Variants in ACTR5 observed in about 807,000 individuals in gnomAD.
ACTR5 encodes the protein actin related protein 5.
In ACTR5, 43 loss-of-function variants were observed where a neutral mutation model predicts 61.2. The ratio of observed to expected loss-of-function variants is 0.70; its 90% CI spans 0.55 to 0.91. The LOEUF (loss-of-function observed/expected upper bound fraction) is 0.91. ACTR5 is among the 40% of genes least tolerant of loss of function. The pLI, the probability that ACTR5 is intolerant of heterozygous loss-of-function variation, is 0.00. For missense variants in ACTR5, 798 were observed against 782.2 expected (o/e 1.02, Z -0.24); for synonymous variants, 333 against 310.5 (o/e 1.07, Z -0.76).
At position 38,766,058 on chromosome 20, in the gene ACTR5, TACAC is replaced by T. The variant is rs557542366; in HGVS notation, c.1294-178_1294-175del. On this transcript the variant is annotated intron_variant, in intron 6 of 8. Transcript: ENST00000243903. ...GATGGAAACATGTACATGTTTATAA[TACAC>T]AGGTTGGAAGAAGGTAGGAAATTGA... Among the ~76,000 whole-genome samples the T allele has an allele frequency of 1.3e-3, 205 of 152,282 alleles. 1 individual carries two copies. Among genetic ancestry groups the T allele is most frequent in the Non-Finnish European group, 2.1e-3 (146 of 68,024 alleles).
rs756261891 is a variant in ACTR5 at position 38,767,561 on chromosome 20, C to T, written c.1531C>T (p.Leu511=). The T allele has an allele frequency of 1.2e-6, 2 of 1,613,930 alleles. No individual in the cohort carries two copies. The highest frequency in any genetic ancestry group is 1.7e-6 in the Non-Finnish European group (2 of 1,179,962). The stretch of plus-strand genomic sequence containing the variant: ...CATGAAAGCCAGAATGGAGAAGGAA[C>T]TGTTGGAGATGAGACCCTTCCGGTC... ...PGMKARMEKE[L]LEMRPFRSSF... is the part of the protein sequence containing the mutation. The change falls in exon 8 of 9, where the codon CTG becomes TTG. Residue 511 remains leucine, a synonymous_variant. Coordinates refer to ENST00000243903, the MANE Select transcript of ACTR5 (RefSeq NM_024855.4).
At chr20:38,752,626 A>G (rs183077245) in intron 3 of ACTR5, among the ~76,000 whole-genome samples, 2 of 152,366 alleles carry the variant, frequency 1.3e-5, no homozygotes, top group African/African-American at 4.8e-5. Flanking sequence ...TTGTTTTATT[A>G]TACCCTTATA....
At chr20:38,751,825 A>T (rs1035163037) in intron 2 of ACTR5, among the ~76,000 whole-genome samples, 9 of 152,142 alleles carry the variant, frequency 5.9e-5, no homozygotes, top group African/African-American at 2.2e-4. Flanking sequence ...AATTTCCCCC[A>T]GCTAATTCTG....
Position 38,771,893 on chromosome 20 carries a change from C to T in ACTR5, c.*77C>T, listed in dbSNP as rs1306551242. ...GCAGTGTGACAGGACTGTGATTGTG[C>T]TAGATGTACCTGCCCAAGTCTGCTG... On this transcript the variant is annotated 3_prime_UTR_variant, in exon 9 of 9. Coordinates refer to ENST00000243903, the MANE Select transcript of ACTR5 (RefSeq NM_024855.4). 8.0e-6 allele frequency: 12 copies of T among 1,503,330 alleles called. No homozygotes were observed. Among genetic ancestry groups the T allele is most frequent in the Non-Finnish European group, 1.1e-5 (12 of 1,127,744 alleles). The allele number at this position is 1,503,330 out of a possible 1,614,324, so 93.1% of individuals were successfully genotyped here. A position where few individuals can be genotyped will look rare whatever the true frequency, so the allele number is the denominator to read the frequency against.
intron 3 of ACTR5, among the ~76,000 whole-genome samples, chr20:38,754,265 C>T (rs1214371159): frequency 6.6e-6 from 1 of 152,130 alleles, no homozygotes; most frequent in Non-Finnish European, 1.5e-5. Context: ...TGTTGTTTCT[C>T]GCTGAAGAAC....
chr20:38,762,386 C>T (rs1016439474), intron 5 of ACTR5, among the ~76,000 whole-genome samples: 3 of 152,180 alleles, frequency 2.0e-5, no homozygotes, highest in Non-Finnish European at 2.9e-5. Context: ...CAGGACCTTA[C>T]CTTAGAAGTC....
rs2084366063 is a variant in ACTR5 at position 38,748,528 on chromosome 20, C to T, written c.50C>T (p.Pro17Leu). 6.6e-7 allele frequency: 1 copy of T among 1,506,766 alleles called. No individual in the cohort carries two copies. Among genetic ancestry groups the T allele is most frequent in the Non-Finnish European group, 8.8e-7 (1 of 1,132,912 alleles). The allele number at this position is 1,506,766 out of a possible 1,614,324, so 93.3% of individuals were successfully genotyped here. A position where few individuals can be genotyped will look rare whatever the true frequency, so the allele number is the denominator to read the frequency against. The change falls in exon 1 of 9, where the codon CCA (proline) becomes CTA (leucine). Residue 17 changes from proline to leucine, a missense_variant. Physicochemically the swap from Pro to Leu is moderately conservative, Grantham distance 98 (BLOSUM62 -3). Coordinates refer to ENST00000243903, the MANE Select transcript of ACTR5 (RefSeq NM_024855.4). ...PFRDARAAPD[P>L]VLEAGPVAHG... ...CGCGACGCCCGTGCCGCACCGGACC[C>T]AGTGCTGGAGGCCGGCCCGGTGGCA...
At chr20:38,768,457 A>G (rs2084501241) in intron 8 of ACTR5, among the ~76,000 whole-genome samples, 1 of 152,178 alleles carries the variant, frequency 6.6e-6, no homozygotes, top group Non-Finnish European at 1.5e-5. Context: ...TCTGGGAGCA[A>G]CCAGGTGTAA....
At chr20:38,771,532 G>A (rs1349018568) in intron 8 of ACTR5, 27 bp from the exon 9 acceptor site, 1 of 1,597,642 alleles carries the variant, frequency 6.3e-7, no homozygotes, top group Non-Finnish European at 8.5e-7. Flanking sequence ...CCTGGTGGAG[G>A]TGTCCTGGTG....
Position 38,748,571 on chromosome 20 carries a change from A to T in ACTR5, c.93A>T (p.Val31=), listed in dbSNP as rs2084366451. The T allele has an allele frequency of 1.3e-6, 2 of 1,520,210 alleles. No individual in the cohort carries two copies. Among genetic ancestry groups the T allele is most frequent in the Non-Finnish European group, 1.8e-6 (2 of 1,136,982 alleles). The allele number at this position is 1,520,210 out of a possible 1,614,324, so 94.2% of individuals were successfully genotyped here. A position where few individuals can be genotyped will look rare whatever the true frequency, so the allele number is the denominator to read the frequency against. Reference sequence around the variant, plus strand: ...CGGTGGCACACGGGCCACTGCCGGTACCGCTGGTGCTGGACAACGGGTCGT... The same window carrying T: ...CGGTGGCACACGGGCCACTGCCGGTTCCGCTGGTGCTGGACAACGGGTCGT... ...AGPVAHGPLP[V]PLVLDNGSFQ... Residue 31 remains valine (V), a synonymous_variant, in exon 1 of 9, where the codon GTA becomes GTT. Transcript: ENST00000243903.
At chr20:38,767,180 T>C (rs971540657) in intron 7 of ACTR5, among the ~76,000 whole-genome samples, 1 of 152,244 alleles carries the variant, frequency 6.6e-6, no homozygotes, top group Non-Finnish European at 1.5e-5. Context: ...TATGTAAATT[T>C]ATCCTCAAGT....
chr20:38,760,783 G>A (rs1338080991), intron 5 of ACTR5, among the ~76,000 whole-genome samples: 3 of 152,226 alleles, frequency 2.0e-5, no homozygotes, highest in Non-Finnish European at 4.4e-5. Flanking sequence ...TTGAAAGGCA[G>A]TGGGTAGATG....
intron 2 of ACTR5, among the ~76,000 whole-genome samples, chr20:38,750,786 T>A (rs1299652807): frequency 6.6e-6 from 1 of 151,830 alleles, no homozygotes; most frequent in African/African-American, 2.4e-5. Flanking sequence ...CTGCCACCAT[T>A]CCTGGCTAAT....
At chr20:38,749,761 A>T (rs1357092209) in intron 1 of ACTR5, among the ~76,000 whole-genome samples, 1 of 152,202 alleles carries the variant, frequency 6.6e-6, no homozygotes, top group Non-Finnish European at 1.5e-5. Context: ...TTCTGGAAAT[A>T]CTTTGAAGAT....
In ACTR5 at chr20:38,748,868, A is replaced by AGGCTG. The variant is rs745735000; in HGVS notation, c.375+28_375+32dup. The AGGCTG allele has an allele frequency of 9.4e-6, 15 of 1,598,058 alleles. No homozygotes were observed. The highest frequency in any genetic ancestry group is 1.7e-5 in the Admixed American group (1 of 58,696). ...TCTCCTCACAGGTGAAGGGCGGAGT[A>AGGCTG]GGCTGGGCTGGGCTGGGTTTGAGGG... is the stretch of plus-strand genomic sequence containing the variant. On this transcript the variant is annotated intron_variant, in intron 1 of 8. Coordinates refer to ENST00000243903, the MANE Select transcript of ACTR5 (RefSeq NM_024855.4).
rs1374896789 is a variant in ACTR5, at chr20:38,772,330, T to C, written c.*514T>C. 1 of 163,362 alleles carries C rather than the reference T, an allele frequency of 6.1e-6. No homozygotes were observed. Among genetic ancestry groups the C allele is most frequent in the Non-Finnish European group, 1.3e-5 (1 of 74,524 alleles). 10.1% of individuals were successfully genotyped at this position (163,362 alleles called of 1,614,324 possible). On this transcript the variant is annotated 3_prime_UTR_variant, in exon 9 of 9. Transcript: ENST00000243903. ...TGGCACGTGCCTGTTAAGGCCCAGC[T>C]TTGTGGGAGGCTAAGGCAGGAGGAT... is the stretch of plus-strand genomic sequence containing the variant.
intron 8 of ACTR5, among the ~76,000 whole-genome samples, chr20:38,768,377 C>G (rs2084500582): frequency 6.6e-6 from 1 of 152,166 alleles, no homozygotes; most frequent in South Asian, 2.1e-4. Context: ...CAGGACTCAG[C>G]TTGTAATCCT....
chr20:38,758,303 G>A (rs1365126513), intron 5 of ACTR5, among the ~76,000 whole-genome samples: 2 of 152,098 alleles, frequency 1.3e-5, no homozygotes, highest in Admixed American at 6.5e-5. Flanking sequence ...TGGGTTTAGG[G>A]GATTTTGAAA....
In ACTR5 at chr20:38,755,953, C is replaced by T. The variant is rs2084417623; in HGVS notation, c.1090C>T (p.Leu364Phe). Residue 364 changes from leucine (L) to phenylalanine (F), a missense_variant, in exon 5 of 9, where the codon CTC becomes TTC. Physicochemically the swap from Leu to Phe is conservative, Grantham distance 22. Transcript: ENST00000243903. ...AGAGCTGCAGTCCTACATCCAGAAG[C>T]TCAGTATAGCAGTGGAGCAGGCTAA... is the stretch of plus-strand genomic sequence containing the variant. ...PEELQSYIQK[L>F]SIAVEQAKQK... The T allele has an allele frequency of 5.0e-6, 8 of 1,614,040 alleles. No homozygotes were observed. Among genetic ancestry groups the T allele is most frequent in the Non-Finnish European group, 6.8e-6 (8 of 1,180,040 alleles).
Sources: gnomAD v4.1 joint callset for allele counts (sites outside exome capture counted in the v4.1 genomes callset) on GRCh38, gnomAD v4.1.1 for gene constraint, MANE v1.5 for transcripts, NCBI Gene and HGNC (gene_info 2026-07-23, HGNC 2026-07-21) for gene names.